Variants in KIF1C observed in about 807,000 individuals in gnomAD.
KIF1C encodes kinesin-like protein KIF1C.
A neutral mutation model predicts 126.5 loss-of-function variants in KIF1C; 61 were observed. That is an observed-to-expected ratio of 0.48 (90% CI 0.39 to 0.60). The LOEUF is 0.60. Among genes scored for constraint, KIF1C ranks in the 20% least tolerant of loss-of-function variants. The pLI is 0.00. For synonymous variants in KIF1C, 640 were observed against 580.6 expected, an observed-to-expected ratio of 1.10 and a Z score of -1.47; for missense variants, 1,315 against 1,489.2, an observed-to-expected ratio of 0.88 and a Z score of 1.93.
At chr17:5,019,087 G>A (rs1975036847) in intron 18 of KIF1C, 1 of 160,616 alleles carries the variant, frequency 6.2e-6, no homozygotes, top group Non-Finnish European at 1.5e-5. Flanking sequence ...CCTAAGCTGA[G>A]TCCTCTGCTC....
At position 5,023,039 on chromosome 17, in the gene KIF1C, G is replaced by A. The variant is rs1406937488; in HGVS notation, c.2628+330G>A. 1.3e-5 allele frequency among the ~76,000 whole-genome samples: 2 copies of A among 152,190 alleles called. No homozygotes were observed. The highest frequency in any genetic ancestry group is 2.9e-5 in the Non-Finnish European group (2 of 68,036). On this transcript the variant is annotated intron_variant, in intron 22 of 22. Coordinates refer to ENST00000320785, the MANE Select transcript of KIF1C (RefSeq NM_006612.6). The surrounding 1 kb of genome is among the most constrained non-coding windows in gnomAD (Gnocchi z 4.2). ...TGCAGTTTTGTTTTGTTTCTGAGGT[G>A]AAGTCTTGCTCTGTTGCCAGTCTGG...
chr17:5,003,477 C>G, intron 8 of KIF1C, 135 bp from the exon 9 acceptor site: 1 of 617,820 alleles, frequency 1.6e-6, no homozygotes, highest in Non-Finnish European at 2.9e-6. Flanking sequence ...CTGTTTCCCC[C>G]GGCCTCCTCC....
rs145141200 is a variant in KIF1C, at chr17:5,001,603, TG to T, written c.363+203del. Among the ~76,000 whole-genome samples the T allele has an allele frequency of 0.034, 5,174 of 152,186 alleles. 110 individuals carry two copies. The highest frequency in any genetic ancestry group is 0.038 in the Non-Finnish European group (2,583 of 67,998). ...CCCTATCAGAGGCAACGAGCCTCAG[TG>T]AGTAGAGCAGGGCTTTGGCATCAGT... On this transcript the variant is annotated intron_variant, in intron 5 of 22. Transcript: ENST00000320785.
In KIF1C at chr17:5,007,318, A is replaced by G; in HGVS notation, c.1391A>G (p.Lys464Arg). Residue 464 changes from lysine (K) to arginine (R), a missense_variant, in exon 15 of 23, where the codon AAG becomes AGG. Coordinates refer to ENST00000320785, the MANE Select transcript of KIF1C (RefSeq NM_006612.6). ...LNETWEEKLR[K>R]TEALRMEREA... ...GAGACATGGGAGGAGAAGCTACGCA[A>G]GACAGAAGCCCTGAGGATGGAGAGG... is the stretch of plus-strand genomic sequence containing the variant. 1 of 1,613,614 alleles carries G rather than the reference A, an allele frequency of 6.2e-7. No individual in the cohort carries two copies. The highest frequency in any genetic ancestry group is 2.2e-5 in the East Asian group (1 of 44,874).
rs1207961146 is a variant in KIF1C, at chr17:5,019,813, C to T, written c.1667-183C>T. Reference sequence around the variant, plus strand: ...AATTGTAGTTGGGGCTCTAACCCTCCTTCTGCTCTTCCTTTCCCGTGCTGC... The same window carrying T: ...AATTGTAGTTGGGGCTCTAACCCTCTTTCTGCTCTTCCTTTCCCGTGCTGC... On this transcript the variant is annotated intron_variant, in intron 18 of 22. Coordinates refer to ENST00000320785, the MANE Select transcript of KIF1C (RefSeq NM_006612.6). The T allele has an allele frequency of 9.8e-6, 6 of 613,864 alleles. No homozygotes were observed. The African/African-American group carries it at 1.1e-4, about 11-fold the overall frequency. The allele number at this position is 613,864 out of a possible 1,614,324, so 38.0% of individuals were successfully genotyped here. A position where few individuals can be genotyped will look rare whatever the true frequency, so the allele number is the denominator to read the frequency against.
intron 18 of KIF1C, among the ~76,000 whole-genome samples, chr17:5,017,461 A>G (rs1480642918): frequency 1.3e-5 from 2 of 149,564 alleles, no homozygotes; most frequent in Admixed American, 6.6e-5. Flanking sequence ...CCACCACCAC[A>G]CCCGGCTCAT....
chr17:5,014,761 GGACATCAAGCT>G lies in KIF1C; in HGVS notation c.1594_1604del (p.Ile532ArgfsTer29). On this transcript the variant is annotated frameshift_variant, in exon 18 of 23. Transcript: ENST00000320785. LOFTEE classifies it high-confidence loss of function. ...TCCCCAGGGTCGGCCAAGTAGATATGGACATCAAGCTGACCGGACAGTTCATTCGGGAGCAA... is the reference window on the plus strand; with the variant it reads ...TCCCCAGGGTCGGCCAAGTAGATATGGACCGGACAGTTCATTCGGGAGCAA... 2 of 1,597,120 alleles carry G rather than the reference GGACATCAAGCT, an allele frequency of 1.3e-6. No individual in the cohort carries two copies. Among genetic ancestry groups the G allele is most frequent in the Non-Finnish European group, 1.7e-6 (2 of 1,172,260 alleles).
rs1241749143 is a variant in KIF1C at position 5,020,530 on chromosome 17, T to C, written c.1789T>C (p.Phe597Leu). The C allele has an allele frequency of 1.2e-6, 2 of 1,614,108 alleles. No individual in the cohort carries two copies. The highest frequency in any genetic ancestry group is 1.3e-5 in the African/African-American group (1 of 75,066). ...GATGGGCAAGAACCACGTTTTCCGC[T>C]TCAACCACCCGGAGCAGGCAAGGCT... Reference protein sequence around the residue: ...IVMGKNHVFRFNHPEQARLER... With the variant: ...IVMGKNHVFRLNHPEQARLER... The change falls in exon 20 of 23, where the codon TTC becomes CTC. Residue 597 changes from phenylalanine to leucine, a missense_variant. Around this residue, in one of 2 missense-constraint regions of KIF1C, gnomAD observed 874 missense variants for 1,053.2 expected, o/e 0.83. Coordinates refer to ENST00000320785, the MANE Select transcript of KIF1C (RefSeq NM_006612.6). The surrounding 1 kb of genome is among the most constrained non-coding windows in gnomAD (Gnocchi z 5.8).
chr17:5,014,929 A>G lies in KIF1C; in HGVS notation c.1666+92A>G. 3 of 1,028,092 alleles carry G rather than the reference A, an allele frequency of 2.9e-6. No homozygotes were observed. In the South Asian group the frequency reaches 4.3e-5, roughly 15 times the overall value. The allele number at this position is 1,028,092 out of a possible 1,614,324, so 63.7% of individuals were successfully genotyped here. ...AACTCAGAGGTCTGGGTTGGGCACC[A>G]GGGAGTGCAGCCATATAAAGAGGGG... On this transcript the variant is annotated intron_variant, in intron 18 of 22. Transcript: ENST00000320785.
intron 18 of KIF1C, 185 bp from the exon 19 acceptor site, chr17:5,019,811 T>G (rs1975050123): frequency 3.3e-6 from 2 of 611,902 alleles, no homozygotes; most frequent in Non-Finnish European, 6.0e-6. Flanking sequence ...GCTCTAACCC[T>G]CCTTCTGCTC....
intron 5 of KIF1C, 150 bp downstream of exon 5, chr17:5,001,551 A>T: frequency 1.2e-6 from 1 of 802,224 alleles, no homozygotes. Context: ...CAAGCTGGAC[A>T]ACCCTCTGGG....
chr17:5,024,490 A>T lies in KIF1C; in HGVS notation c.*339A>T. ...GTTTGACTTTCTTTTCAAGTGGGGG[A>T]AAGTGGGAGAGGACTGAGAGTGAGG... On this transcript the variant is annotated 3_prime_UTR_variant, in exon 23 of 23. Coordinates refer to ENST00000320785, the MANE Select transcript of KIF1C (RefSeq NM_006612.6). 1 of 262,542 alleles carries T rather than the reference A, an allele frequency of 3.8e-6. No individual in the cohort carries two copies. Among genetic ancestry groups the T allele is most frequent in the South Asian group, 1.2e-4 (1 of 8,574 alleles). 16.3% of individuals were successfully genotyped at this position (262,542 alleles called of 1,614,324 possible). A position where few individuals can be genotyped will look rare whatever the true frequency, so the allele number is the denominator to read the frequency against.
intron 16 of KIF1C, among the ~76,000 whole-genome samples, chr17:5,009,653 T>A (rs1974815992): frequency 6.6e-6 from 1 of 151,046 alleles, no homozygotes; most frequent in African/African-American, 2.4e-5. Context: ...CCACGTGTGC[T>A]GGCGGGCGCC....
rs1177090390 is a variant in KIF1C, at chr17:5,027,996, C to T, written c.*3845C>T. ...AAAAGAACATCAGACATCACCATCA[C>T]CTCGCTTAGAATCCATGGGGCCTTC... is the stretch of plus-strand genomic sequence containing the variant. On this transcript the variant is annotated 3_prime_UTR_variant, in exon 23 of 23. Coordinates refer to ENST00000320785, the MANE Select transcript of KIF1C (RefSeq NM_006612.6). 1 of 152,112 alleles carries T rather than the reference C, an allele frequency of 6.6e-6. No individual in the cohort carries two copies. The highest frequency in any genetic ancestry group is 1.5e-5 in the Non-Finnish European group (1 of 68,030). 9.4% of individuals were successfully genotyped at this position (152,112 alleles called of 1,614,324 possible). A position where few individuals can be genotyped will look rare whatever the true frequency, so the allele number is the denominator to read the frequency against.
chr17:5,009,564 G>A (rs1479716241), intron 16 of KIF1C, among the ~76,000 whole-genome samples: 1 of 151,638 alleles, frequency 6.6e-6, no homozygotes, highest in Non-Finnish European at 1.5e-5. Context: ...CAAGGCGGGT[G>A]GATCACGAGG....
rs1272074294 is a variant in KIF1C at position 5,020,098 on chromosome 17, A to G, written c.1750+19A>G. 6 of 1,565,196 alleles carry G rather than the reference A, an allele frequency of 3.8e-6. No homozygotes were observed. The South Asian group carries it at 7.0e-5, about 18-fold the overall frequency. On this transcript the variant is annotated intron_variant, in intron 19 of 22. Transcript: ENST00000320785. This position sits in a 1 kb window ranked among gnomAD's most constrained non-coding sequence, Gnocchi z 5.8. ...AAGTCAGGTAGAAGATGTGTCGCAG[A>G]TTGAGGGTTCTGGGGCGTGGCTGTG...
chr17:5,007,437 G>C, intron 15 of KIF1C, 30 bp from the exon 16 acceptor site: 3 of 1,609,828 alleles, frequency 1.9e-6, no homozygotes, highest in Non-Finnish European at 2.5e-6. Context: ...GTGAAGGTAA[G>C]ACTGACATTT....
At chr17:5,016,207 G>A (rs533242578) in intron 18 of KIF1C, among the ~76,000 whole-genome samples, 3 of 150,916 alleles carry the variant, frequency 2.0e-5, no homozygotes, top group African/African-American at 4.9e-5. Context: ...GTGCGATCTC[G>A]ACTCACTGCA....
chr17:5,005,046 C>A (rs759991326), intron 13 of KIF1C, 46 bp downstream of exon 13: 5 of 1,611,380 alleles, frequency 3.1e-6, no homozygotes, highest in Non-Finnish European at 4.2e-6. Context: ...CCTTGGCCCA[C>A]CCCATCCCTC....
Sources: gnomAD v4.1 joint callset for allele counts (sites outside exome capture counted in the v4.1 genomes callset) on GRCh38, gnomAD v4.1.1 for gene constraint, gnomAD v4.1.1 regional missense constraint, Gnocchi (gnomAD v3.1) non-coding constraint, MANE v1.5 for transcripts, NCBI Gene and HGNC (gene_info 2026-07-23, HGNC 2026-07-21) for gene names.